The following TMC1 variants were observed in gnomAD, a reference collection of about 807,000 sequenced individuals.
The protein encoded by TMC1 is transmembrane channel like 1, also known as transmembrane channel-like protein 1.
A neutral mutation model predicts 105.8 loss-of-function variants in TMC1; 84 were observed. The ratio of observed to expected loss-of-function variants is 0.79; its 90% CI spans 0.67 to 0.95. The LOEUF (loss-of-function observed/expected upper bound fraction) is 0.95. TMC1 is among the 40% of genes least tolerant of loss of function. The pLI, the probability that TMC1 is intolerant of heterozygous loss-of-function variation, is 0.00. For missense variants in TMC1, 817 were observed against 914.1 expected (o/e 0.89, Z 1.37); for synonymous variants, 315 against 311.5 (o/e 1.01, Z -0.12).
chr9:72,594,318 C>A (rs925471356), intron 2 of TMC1, among the ~76,000 whole-genome samples: 12 of 152,072 alleles, frequency 7.9e-5, no homozygotes, highest in Admixed American at 5.2e-4. Context: ...TGGGAATTCA[C>A]TAGGGAGGTG....
intron 2 of TMC1, among the ~76,000 whole-genome samples, chr9:72,581,965 T>A (rs928743041): frequency 2.6e-5 from 4 of 152,226 alleles, no homozygotes; most frequent in African/African-American, 7.2e-5. Context: ...GCATCTTTTT[T>A]TCTTTTTTTG....
chr9:72,716,631 C>T (rs553732003), intron 8 of TMC1, among the ~76,000 whole-genome samples: 1 of 152,258 alleles, frequency 6.6e-6, no homozygotes, highest in South Asian at 2.1e-4. Context: ...CTCGAGCATG[C>T]CAGATCGAGC....
intron 1 of TMC1, among the ~76,000 whole-genome samples, chr9:72,555,739 G>T (rs1823919154): frequency 6.6e-6 from 1 of 151,910 alleles, no homozygotes. Flanking sequence ...TCCTGCCTCA[G>T]CCTCCCGAGT....
At chr9:72,715,846 G>A (rs940404636) in intron 8 of TMC1, among the ~76,000 whole-genome samples, 1 of 152,082 alleles carries the variant, frequency 6.6e-6, no homozygotes. Flanking sequence ...AGGCATTCTG[G>A]TTTTTGGAAT....
In TMC1 at chr9:72,792,356, A is replaced by G; in HGVS notation, c.1566+4A>G. 6.2e-7 allele frequency: 1 copy of G among 1,614,110 alleles called. No homozygotes were observed. The highest frequency in any genetic ancestry group is 1.1e-5 in the South Asian group (1 of 91,090). On this transcript the variant is annotated splice_donor_region_variant and intron_variant, in intron 17 of 23. Coordinates refer to ENST00000297784, the MANE Select transcript of TMC1 (RefSeq NM_138691.3). ...CTGGGAAACAATGGTGGGACAGGTA[A>G]TGCCACCAACAGAAGTGTATGGCAA...
intron 1 of TMC1, among the ~76,000 whole-genome samples, chr9:72,535,849 C>A (rs1209631261): frequency 6.6e-6 from 1 of 152,136 alleles, no homozygotes; most frequent in Non-Finnish European, 1.5e-5. Context: ...TTTTTAACAA[C>A]CACTTCTCAT....
intron 12 of TMC1, among the ~76,000 whole-genome samples, chr9:72,756,845 A>G (rs1827683228): frequency 6.6e-6 from 1 of 152,202 alleles, no homozygotes; most frequent in African/African-American, 2.4e-5. Context: ...TCAGTTGAGG[A>G]AGACAAACAG....
intron 2 of TMC1, among the ~76,000 whole-genome samples, chr9:72,603,153 C>T (rs572595389): frequency 1.2e-4 from 19 of 152,252 alleles, no homozygotes; most frequent in African/African-American, 4.1e-4. Context: ...TCACGTAAAT[C>T]ACTTTGTTTC....
At chr9:72,798,593 C>T (rs1466758019) in intron 17 of TMC1, among the ~76,000 whole-genome samples, 1 of 151,948 alleles carries the variant, frequency 6.6e-6, no homozygotes, top group Non-Finnish European at 1.5e-5. Flanking sequence ...TGTAGGAACA[C>T]CAAATACTGC....
intron 17 of TMC1, among the ~76,000 whole-genome samples, chr9:72,794,004 C>T (rs979853755): frequency 6.6e-6 from 1 of 152,138 alleles, no homozygotes; most frequent in African/African-American, 2.4e-5. Context: ...CCCTAAGCGC[C>T]TCATCCATAC....
At chr9:72,761,717 A>G (rs561958394) in intron 12 of TMC1, among the ~76,000 whole-genome samples, 1 of 152,352 alleles carries the variant, frequency 6.6e-6, no homozygotes, top group South Asian at 2.1e-4. Context: ...TAGAATGTTA[A>G]TAAAAAGGAG....
chr9:72,708,961 A>G (rs908707540), intron 8 of TMC1, among the ~76,000 whole-genome samples: 1 of 150,828 alleles, frequency 6.6e-6, no homozygotes, highest in African/African-American at 2.4e-5. Context: ...TTTAATCAAA[A>G]TGGGATGCTG....
chr9:72,835,903 C>G (rs757215195), intron 23 of TMC1, 48 bp from the exon 24 acceptor site: 5 of 1,573,984 alleles, frequency 3.2e-6, no homozygotes, highest in Non-Finnish European at 3.4e-6. Flanking sequence ...CATCTTCTCT[C>G]TCTCTCTCCT....
At chr9:72,566,213 G>A (rs1824150034) in intron 1 of TMC1, among the ~76,000 whole-genome samples, 1 of 152,120 alleles carries the variant, frequency 6.6e-6, no homozygotes, top group Non-Finnish European at 1.5e-5. Context: ...TTGTGGAGAT[G>A]GGAGATGGGA....
chr9:72,786,184 G>A (rs1047691334), intron 13 of TMC1, among the ~76,000 whole-genome samples: 1 of 152,180 alleles, frequency 6.6e-6, no homozygotes, highest in Non-Finnish European at 1.5e-5. Context: ...GGTGGCTCAC[G>A]CCTGTAATCC....
At chr9:72,674,352 G>GT (rs1247806309) in intron 5 of TMC1, among the ~76,000 whole-genome samples, 1 of 152,160 alleles carries the variant, frequency 6.6e-6, no homozygotes, top group African/African-American at 2.4e-5. Flanking sequence ...AAAAAGAAGA[G>GT]TAAGTTTGGA....
chr9:72,830,727 T>A, intron 23 of TMC1, 45 bp downstream of exon 23: 1 of 1,510,054 alleles, frequency 6.6e-7, no homozygotes, highest in African/African-American at 1.4e-5. Context: ...TTTTTCTTTT[T>A]CTTTTTCTTT....
chr9:72,767,348 TAG>T (rs1435283768), intron 12 of TMC1, among the ~76,000 whole-genome samples: 4 of 152,224 alleles, frequency 2.6e-5, no homozygotes, highest in African/African-American at 7.2e-5. Flanking sequence ...ATCCTGGGGA[TAG>T]AGTGTTATCT....
intron 1 of TMC1, among the ~76,000 whole-genome samples, chr9:72,563,064 A>G (rs1390341338): frequency 1.8e-5 from 2 of 111,174 alleles, no homozygotes; most frequent in East Asian, 2.3e-4. Flanking sequence ...CAATTCAAAT[A>G]TAAGATTTAC....
Sources: allele counts gnomAD v4.1 joint callset (sites outside exome capture counted in the v4.1 genomes callset), GRCh38; gene constraint gnomAD v4.1.1; transcripts MANE v1.5; gene names NCBI Gene and HGNC (gene_info 2026-07-23, HGNC 2026-07-21).